Variants in SGCZ observed in about 807,000 individuals in gnomAD.
The protein encoded by SGCZ is sarcoglycan zeta.
SGCZ carries 40 observed loss-of-function variants against 41.3 expected under a neutral mutation model. That is an observed-to-expected ratio of 0.97 (90% CI 0.75 to 1.26). The LOEUF is 1.26. Ranked by LOEUF, SGCZ falls within the 50% of genes most tolerant of loss-of-function variation. The pLI is 0.00. For synonymous variants in SGCZ, 206 were observed against 137.5 expected (o/e 1.50, Z -3.49); for missense variants, 552 against 369.8 (o/e 1.49, Z -4.04).
intron 2 of SGCZ, among the ~76,000 whole-genome samples, chr8:14,442,467 A>G (rs544914945): frequency 6.6e-6 from 1 of 152,274 alleles, no homozygotes; most frequent in Admixed American, 6.5e-5. Flanking sequence ...AGTATCAGGT[A>G]TGTCTTTAAT....
chr8:14,342,325 T>G (rs776154661), intron 2 of SGCZ, among the ~76,000 whole-genome samples: 97 of 152,128 alleles, frequency 6.4e-4, no homozygotes, highest in Admixed American at 7.2e-4. Context: ...ATTTCTTTTT[T>G]TTTCTTTTTG....
rs568517072 is a variant in SGCZ at position 14,355,737 on chromosome 8, A to G, written c.235-31533T>C. On this transcript the variant is annotated intron_variant, in intron 2 of 7. Coordinates refer to ENST00000382080, the MANE Select transcript of SGCZ (RefSeq NM_139167.4). ...GACTCTCTGTGGAACTTCTGTGTCA[A>G]TCACAGTGTCTGGCATACTCAGTGT... Among the ~76,000 whole-genome samples the G allele has an allele frequency of 2.0e-5, 3 of 152,218 alleles. No homozygotes were observed. The South Asian group carries it at 6.2e-4, about 32-fold the overall frequency.
chr8:14,206,306 C>T (rs1162383854), intron 4 of SGCZ, among the ~76,000 whole-genome samples: 3 of 152,050 alleles, frequency 2.0e-5, no homozygotes, highest in Admixed American at 6.6e-5. Context: ...AGATAACATA[C>T]GTTTTAAGTG....
intron 4 of SGCZ, among the ~76,000 whole-genome samples, chr8:14,183,537 G>C (rs545312415): frequency 4.6e-5 from 7 of 152,242 alleles, no homozygotes; most frequent in East Asian, 1.9e-4. Flanking sequence ...GAATGTAAAG[G>C]TGGTTTATAC....
chr8:14,690,705 A>G (rs2117569248), intron 1 of SGCZ: 2 of 152,292 alleles, frequency 1.3e-5, no homozygotes, highest in South Asian at 4.1e-4. Context: ...GAAAATAACC[A>G]GTTAAGTTAG....
rs568706606 is a variant in SGCZ at position 14,621,655 on chromosome 8, G to T, written c.40-66729C>A. On this transcript the variant is annotated intron_variant, in intron 1 of 7. Transcript: ENST00000382080. Reference sequence around the variant, plus strand: ...TACATCTTCACAATGGAGAGCAAGAGACTGAGAGAGAGTGAAGTGGGGAAG... The same window carrying T: ...TACATCTTCACAATGGAGAGCAAGATACTGAGAGAGAGTGAAGTGGGGAAG... Among the ~76,000 whole-genome samples the T allele has an allele frequency of 1.8e-3, 276 of 152,180 alleles. 1 individual carries two copies. Among genetic ancestry groups the T allele is most frequent in the African/African-American group, 6.5e-3 (269 of 41,538 alleles).
At chr8:14,282,464 C>G (rs1262814438) in intron 3 of SGCZ, among the ~76,000 whole-genome samples, 5 of 152,188 alleles carry the variant, frequency 3.3e-5, no homozygotes, top group African/African-American at 1.2e-4. Flanking sequence ...CAAACACACA[C>G]ACCTATGAAT....
chr8:14,563,437 T>C (rs940954356), intron 1 of SGCZ, among the ~76,000 whole-genome samples: 5 of 152,152 alleles, frequency 3.3e-5, no homozygotes, highest in African/African-American at 1.2e-4. Flanking sequence ...GTTAAGGAAA[T>C]GTACAATGCC....
chr8:14,440,211 G>C (rs561537272), intron 2 of SGCZ, among the ~76,000 whole-genome samples: 18 of 151,980 alleles, frequency 1.2e-4, no homozygotes, highest in Middle Eastern at 3.4e-3. Flanking sequence ...ATATGTCATA[G>C]ATATATGATA....
chr8:14,255,784 G>A (rs536301361), intron 3 of SGCZ, among the ~76,000 whole-genome samples: 2 of 152,086 alleles, frequency 1.3e-5, no homozygotes, highest in African/African-American at 2.4e-5. Flanking sequence ...ATATAAATAA[G>A]TAGAAATAAA....
chr8:14,202,493 AG>A (rs1291718449), intron 4 of SGCZ, among the ~76,000 whole-genome samples: 2 of 152,024 alleles, frequency 1.3e-5, no homozygotes, highest in East Asian at 1.9e-4. Context: ...GGGTTTCACA[AG>A]GGAAAAAAAA....
intron 1 of SGCZ, among the ~76,000 whole-genome samples, chr8:14,881,003 C>A (rs1804565221): frequency 6.6e-6 from 1 of 151,850 alleles, no homozygotes; most frequent in African/African-American, 2.4e-5. Flanking sequence ...GCCCAAAATA[C>A]AAAACACAGA....
chr8:14,430,947 G>A (rs535596059), intron 2 of SGCZ, among the ~76,000 whole-genome samples: 6 of 152,102 alleles, frequency 3.9e-5, no homozygotes, highest in Non-Finnish European at 8.8e-5. Flanking sequence ...CTTTACAACA[G>A]CTGCAAAAAA....
intron 1 of SGCZ, among the ~76,000 whole-genome samples, chr8:14,637,767 G>T (rs1242097738): frequency 6.6e-6 from 1 of 151,786 alleles, no homozygotes; most frequent in Non-Finnish European, 1.5e-5. Flanking sequence ...ATTGTGAACA[G>T]TGCTGCAAAA....
At chr8:15,235,234 A>G (rs1296596319) in intron 1 of SGCZ, among the ~76,000 whole-genome samples, 2 of 152,186 alleles carry the variant, frequency 1.3e-5, no homozygotes, top group African/African-American at 2.4e-5. Flanking sequence ...CACTGCATCC[A>G]TCTCTACAAA....
chr8:15,205,936 G>C (rs1801046477), intron 1 of SGCZ, among the ~76,000 whole-genome samples: 1 of 152,266 alleles, frequency 6.6e-6, no homozygotes, highest in East Asian at 1.9e-4. Flanking sequence ...TCTTTTGTGG[G>C]AACATGGGTG....
intron 1 of SGCZ, among the ~76,000 whole-genome samples, chr8:14,711,435 C>CAAAAAAAAAA (rs543412312): frequency 9.7e-6 from 1 of 102,986 alleles, no homozygotes. Context: ...ACTAAAAATA[C>CAAAAAAAAAA]AAAAAAAAAA....
intron 1 of SGCZ, among the ~76,000 whole-genome samples, chr8:15,199,391 T>G: frequency 6.6e-6 from 1 of 152,346 alleles, no homozygotes; most frequent in East Asian, 1.9e-4. Context: ...ATACAGAATT[T>G]ATTTCTAATG....
intron 2 of SGCZ, among the ~76,000 whole-genome samples, chr8:14,530,409 C>T (rs13272775): frequency 0.16 from 24,251 of 151,996 alleles, 2,123 homozygotes; most frequent in Admixed American, 0.21. Flanking sequence ...TCTTATCTGT[C>T]TGATCATGTT....
Sources: allele counts gnomAD v4.1 joint callset (sites outside exome capture counted in the v4.1 genomes callset), GRCh38; gene constraint gnomAD v4.1.1; transcripts MANE v1.5; gene names NCBI Gene and HGNC (gene_info 2026-07-23, HGNC 2026-07-21).